KIF13A: variants seen among roughly 807,000 people sequenced by gnomAD.
KIF13A encodes kinesin-like protein KIF13A.
Under a neutral mutation model 212.2 loss-of-function variants are expected in KIF13A, and 79 were observed. That is an observed-to-expected ratio of 0.37 (90% CI 0.31 to 0.45). The LOEUF (loss-of-function observed/expected upper bound fraction) is 0.45, where lower values mean the gene tolerates loss of function less well. Ranked by LOEUF, KIF13A falls within the 20% of genes least tolerant of loss-of-function variation. The pLI is 1.00. For missense variants in KIF13A, 1,901 were observed against 2,209.0 expected (o/e 0.86, Z 2.79); for synonymous variants, 789 against 808.6 (o/e 0.98, Z 0.41).
chr6:17,765,140 G>T (rs912054292), intron 38 of KIF13A, among the ~76,000 whole-genome samples, 194 bp from the exon 39 acceptor site: 3 of 152,142 alleles, frequency 2.0e-5, no homozygotes, highest in African/African-American at 7.2e-5. Context: ...AGAGACCTGT[G>T]AATATAAACC....
rs1028711877 is a variant in KIF13A, at chr6:17,837,374, T to G, written c.942+98A>C. The G allele has an allele frequency of 1.3e-6, 1 of 778,828 alleles. No individual in the cohort carries two copies. Among genetic ancestry groups the G allele is most frequent in the African/African-American group, 1.8e-5 (1 of 56,960 alleles). The allele number at this position is 778,828 out of a possible 1,614,324, so 48.2% of individuals were successfully genotyped here. ...ATTAGAATAACTGTCATCAGGAGAGTTCTTTAGGTATTTGGTTAGCTTTGT... is the reference window on the plus strand; with the variant it reads ...ATTAGAATAACTGTCATCAGGAGAGGTCTTTAGGTATTTGGTTAGCTTTGT... On this transcript the variant is annotated intron_variant, in intron 10 of 38. Coordinates refer to ENST00000259711, the MANE Select transcript of KIF13A (RefSeq NM_022113.6). This position sits in a 1 kb window ranked among gnomAD's most constrained non-coding sequence, Gnocchi z 5.4.
chr6:17,851,817 G>C (rs985175248), intron 7 of KIF13A, 138 bp downstream of exon 7: 4 of 434,756 alleles, frequency 9.2e-6, no homozygotes, highest in African/African-American at 4.1e-5. Context: ...CTCTGTTTGC[G>C]GTGTGCTGAT....
At chr6:17,929,805 G>A (rs1775837412) in intron 2 of KIF13A, among the ~76,000 whole-genome samples, 1 of 152,228 alleles carries the variant, frequency 6.6e-6, no homozygotes, top group South Asian at 2.1e-4. Flanking sequence ...GCCTCCCAAA[G>A]TGTTGGGGTT....
chr6:17,827,045 G>C lies in KIF13A; in HGVS notation c.1533-921C>G, dbSNP rs146596354. Among the ~76,000 whole-genome samples the C allele has an allele frequency of 2.2e-3, 329 of 151,470 alleles. 1 individual carries two copies. The highest frequency in any genetic ancestry group is 7.6e-3 in the African/African-American group (313 of 41,294). ...CCACTGTACTCCAGCCCGGGCAACA[G>C]AGTGAGACTCTGTCTCAAAATAAAT... On this transcript the variant is annotated intron_variant, in intron 14 of 38. Transcript: ENST00000259711.
intron 9 of KIF13A, among the ~76,000 whole-genome samples, chr6:17,841,079 CTT>C (rs760337717): frequency 1.5e-5 from 2 of 137,492 alleles, no homozygotes; most frequent in Admixed American, 7.3e-5. Flanking sequence ...ACCCCTTTTC[CTT>C]TTTTTTTTTT....
At position 17,771,242 on chromosome 6, in the gene KIF13A, T is replaced by A. The variant is rs771582508; in HGVS notation, c.4477-24A>T. On this transcript the variant is annotated intron_variant, in intron 37 of 38. Transcript: ENST00000259711. This position sits in a 1 kb window ranked among gnomAD's most constrained non-coding sequence, Gnocchi z 5.4. The stretch of plus-strand genomic sequence containing the variant: ...CTCTGCAAAGGTTAAGACACACAGA[T>A]GCATCACACACAAAGACGACAACGG... 1.3e-6 allele frequency: 2 copies of A among 1,514,576 alleles called. No individual in the cohort carries two copies. Among genetic ancestry groups the A allele is most frequent in the Admixed American group, 3.5e-5 (2 of 57,562 alleles). 93.8% of individuals were successfully genotyped at this position (1,514,576 alleles called of 1,614,324 possible). A position where few individuals can be genotyped will look rare whatever the true frequency, so the allele number is the denominator to read the frequency against.
chr6:17,939,330 T>C (rs1444158336), intron 2 of KIF13A, among the ~76,000 whole-genome samples: 5 of 152,252 alleles, frequency 3.3e-5, no homozygotes, highest in African/African-American at 4.8e-5. Flanking sequence ...ATATACTTCA[T>C]TGTAACACAA....
At chr6:17,974,175 G>A (rs943906134) in intron 2 of KIF13A, among the ~76,000 whole-genome samples, 4 of 152,178 alleles carry the variant, frequency 2.6e-5, no homozygotes, top group Non-Finnish European at 5.9e-5. Flanking sequence ...TCCACCTCCC[G>A]GGTTCAAGCG....
At chr6:17,941,793 T>G (rs1011578720) in intron 2 of KIF13A, among the ~76,000 whole-genome samples, 1 of 151,784 alleles carries the variant, frequency 6.6e-6, no homozygotes, top group African/African-American at 2.4e-5. Flanking sequence ...CATTTGCTTT[T>G]TTTTTTTTTG....
rs1767426931 is a variant in KIF13A, at chr6:17,849,560, T to C, written c.718-71A>G. On this transcript the variant is annotated intron_variant, in intron 8 of 38. Coordinates refer to ENST00000259711, the MANE Select transcript of KIF13A (RefSeq NM_022113.6). The surrounding 1 kb of genome is among the most constrained non-coding windows in gnomAD (Gnocchi z 5.7). ...ACCACATGGATATCTACATATATGT[T>C]AGCACTATAATTGAGCAATCCATCC... The C allele has an allele frequency of 9.2e-7, 1 of 1,084,748 alleles. No individual in the cohort carries two copies. The highest frequency in any genetic ancestry group is 1.4e-5 in the South Asian group (1 of 71,180). 67.2% of individuals were successfully genotyped at this position (1,084,748 alleles called of 1,614,324 possible).
At position 17,826,167 on chromosome 6, in the gene KIF13A, C is replaced by A; in HGVS notation, c.1533-43G>T. 6.8e-7 allele frequency: 1 copy of A among 1,471,128 alleles called. No individual in the cohort carries two copies. The highest frequency in any genetic ancestry group is 1.2e-5 in the South Asian group (1 of 86,698). 91.1% of individuals were successfully genotyped at this position (1,471,128 alleles called of 1,614,324 possible). ...AAAATACCAGGTAAATGGGAAGGAG[C>A]ACAAGACCTTGTCCTGGTAGCCAAA... On this transcript the variant is annotated intron_variant, in intron 14 of 38. Transcript: ENST00000259711. The surrounding 1 kb of genome is among the most constrained non-coding windows in gnomAD (Gnocchi z 4.7).
rs1223194686 is a variant in KIF13A at position 17,967,435 on chromosome 6, T to C, written c.146+19619A>G. On this transcript the variant is annotated intron_variant, in intron 2 of 38. Coordinates refer to ENST00000259711, the MANE Select transcript of KIF13A (RefSeq NM_022113.6). The surrounding 1 kb of genome is among the most constrained non-coding windows in gnomAD (Gnocchi z 4.1). Reference sequence around the variant, plus strand: ...ATCACATTTATAATTAGAAAAAAGCTATATTAAAAACAAAGTTCTTATGAA... The same window carrying C: ...ATCACATTTATAATTAGAAAAAAGCCATATTAAAAACAAAGTTCTTATGAA... 1.3e-5 allele frequency among the ~76,000 whole-genome samples: 2 copies of C among 152,206 alleles called. No homozygotes were observed. Among genetic ancestry groups the C allele is most frequent in the Admixed American group, 6.5e-5 (1 of 15,278 alleles).
intron 20 of KIF13A, among the ~76,000 whole-genome samples, chr6:17,800,965 C>T (rs937073750): frequency 1.3e-4 from 20 of 151,872 alleles, no homozygotes; most frequent in African/African-American, 4.6e-4. Context: ...AACTCCTGAC[C>T]TTGTGATCTG....
chr6:17,933,722 T>A (rs1776207680), intron 2 of KIF13A, among the ~76,000 whole-genome samples: 1 of 152,208 alleles, frequency 6.6e-6, no homozygotes, highest in Non-Finnish European at 1.5e-5. Context: ...TGATTCTAAG[T>A]ATGAGTGAAA....
At position 17,981,001 on chromosome 6, in the gene KIF13A, G is replaced by A. The variant is rs1164864088; in HGVS notation, c.146+6053C>T. Among the ~76,000 whole-genome samples the A allele has an allele frequency of 3.4e-5, 5 of 148,870 alleles. No individual in the cohort carries two copies. In the Admixed American group the frequency reaches 3.4e-4, roughly 10 times the overall value. Reference sequence around the variant, plus strand: ...AAAACCACTAAAAGTGGTTGCCTCTGGGGAAAGAAATGAAGAGGGGGACTT... The same window carrying A: ...AAAACCACTAAAAGTGGTTGCCTCTAGGGAAAGAAATGAAGAGGGGGACTT... On this transcript the variant is annotated intron_variant, in intron 2 of 38. Coordinates refer to ENST00000259711, the MANE Select transcript of KIF13A (RefSeq NM_022113.6).
chr6:17,794,444 GA>G lies in KIF13A; in HGVS notation c.3076-50del. 6.3e-7 allele frequency: 1 copy of G among 1,584,876 alleles called. No homozygotes were observed. Among genetic ancestry groups the G allele is most frequent in the South Asian group, 1.1e-5 (1 of 88,986 alleles). ...GGGTGCCAGGAATGATAATGAAAAG[GA>G]ACGGGATAAAGAAGGGGAAAAGGAT... On this transcript the variant is annotated intron_variant, in intron 24 of 38. Coordinates refer to ENST00000259711, the MANE Select transcript of KIF13A (RefSeq NM_022113.6). The surrounding 1 kb of genome is among the most constrained non-coding windows in gnomAD (Gnocchi z 4.1).
At chr6:17,774,072 A>G (rs1759725648) in intron 35 of KIF13A, among the ~76,000 whole-genome samples, 1 of 152,250 alleles carries the variant, frequency 6.6e-6, no homozygotes, top group African/African-American at 2.4e-5. Flanking sequence ...TCAAAGAGGC[A>G]TAAAGTATTG....
intron 28 of KIF13A, among the ~76,000 whole-genome samples, chr6:17,784,855 A>C (rs186339578): frequency 6.6e-6 from 1 of 152,220 alleles, no homozygotes; most frequent in Admixed American, 6.5e-5. Flanking sequence ...CTCTAGTTTC[A>C]GAAAACAGAC....
chr6:17,954,323 A>G (rs1262291173), intron 2 of KIF13A, among the ~76,000 whole-genome samples: 1 of 144,298 alleles, frequency 6.9e-6, no homozygotes, highest in East Asian at 2.1e-4. Flanking sequence ...AAAAAAAAAA[A>G]TCAGATCAGC....
Sources: allele counts gnomAD v4.1 joint callset (sites outside exome capture counted in the v4.1 genomes callset), GRCh38; gene constraint gnomAD v4.1.1; non-coding constraint Gnocchi (gnomAD v3.1); transcripts MANE v1.5; gene names NCBI Gene and HGNC (gene_info 2026-07-23, HGNC 2026-07-21).